RALGAPA2: variants seen among roughly 807,000 people sequenced by gnomAD.
RALGAPA2 encodes ral GTPase-activating protein subunit alpha-2.
Under a neutral mutation model 230.4 loss-of-function variants are expected in RALGAPA2, and 139 were observed. The observed-to-expected ratio is 0.60, with a 90% CI of 0.53 to 0.69. RALGAPA2 has a LOEUF of 0.69. RALGAPA2 is among the 30% of genes least tolerant of loss of function. The pLI, the probability that RALGAPA2 is intolerant of heterozygous loss-of-function variation, is 0.00. For missense variants in RALGAPA2, 2,163 were observed against 2,276.0 expected, an observed-to-expected ratio of 0.95 and a Z score of 1.01; for synonymous variants, 847 against 837.8, an observed-to-expected ratio of 1.01 and a Z score of -0.19.
intron 16 of RALGAPA2, among the ~76,000 whole-genome samples, chr20:20,594,489 A>C (rs1379867588): frequency 6.6e-6 from 1 of 152,092 alleles, no homozygotes; most frequent in African/African-American, 2.4e-5. Flanking sequence ...AAATGGAGAA[A>C]GAATTATATC....
chr20:20,403,702 C>G (rs111880099), intron 38 of RALGAPA2, among the ~76,000 whole-genome samples: 1 of 152,226 alleles, frequency 6.6e-6, no homozygotes, highest in Non-Finnish European at 1.5e-5. Flanking sequence ...TGCTTCTCTG[C>G]ACCCTAGGGA....
intron 10 of RALGAPA2, among the ~76,000 whole-genome samples, chr20:20,621,246 C>T (rs2066312193): frequency 6.6e-6 from 1 of 151,960 alleles, no homozygotes; most frequent in South Asian, 2.1e-4. Flanking sequence ...TTTTAATTGG[C>T]TACAAAACAC....
chr20:20,454,924 T>C (rs2061075023), intron 37 of RALGAPA2, among the ~76,000 whole-genome samples: 2 of 152,168 alleles, frequency 1.3e-5, no homozygotes, highest in African/African-American at 4.8e-5. Context: ...CCCAGGTCTG[T>C]AGTGACGCAG....
intron 31 of RALGAPA2, among the ~76,000 whole-genome samples, chr20:20,515,622 G>A (rs947772856): frequency 6.6e-6 from 1 of 152,196 alleles, no homozygotes; most frequent in African/African-American, 2.4e-5. Context: ...AGGGAGTGAT[G>A]AGAAACATAA....
chr20:20,678,088 T>C (rs544279576), intron 2 of RALGAPA2, among the ~76,000 whole-genome samples: 2 of 152,126 alleles, frequency 1.3e-5, no homozygotes, highest in African/African-American at 2.4e-5. Context: ...GTGTTACCAG[T>C]GTAGGCAATG....
chr20:20,676,322 A>G, intron 2 of RALGAPA2, 34 bp from the exon 3 acceptor site: 1 of 1,444,036 alleles, frequency 6.9e-7, no homozygotes, highest in Non-Finnish European at 9.6e-7. Flanking sequence ...TTATCATGAC[A>G]TCATTTAAAC....
chr20:20,567,634 C>G (rs578243255), intron 23 of RALGAPA2, among the ~76,000 whole-genome samples: 1 of 152,090 alleles, frequency 6.6e-6, no homozygotes, highest in Admixed American at 6.6e-5. Context: ...TTCTAACAGG[C>G]TTTTTAGCCT....
At chr20:20,421,035 GAAAACATC>G in intron 37 of RALGAPA2, among the ~76,000 whole-genome samples, 1 of 152,178 alleles carries the variant, frequency 6.6e-6, no homozygotes, top group African/African-American at 2.4e-5. Flanking sequence ...CAGAATAGGA[GAAAACATC>G]TGCAAACCAT....
At chr20:20,483,485 G>A (rs2061830433) in intron 36 of RALGAPA2, among the ~76,000 whole-genome samples, 1 of 152,130 alleles carries the variant, frequency 6.6e-6, no homozygotes, top group Non-Finnish European at 1.5e-5. Context: ...GTCGCCCTGA[G>A]AAGCTTGGCC....
intron 37 of RALGAPA2, among the ~76,000 whole-genome samples, chr20:20,442,599 T>G (rs1222389867): frequency 6.6e-6 from 1 of 152,276 alleles, no homozygotes; most frequent in Non-Finnish European, 1.5e-5. Context: ...TCATTTCTGA[T>G]AAACACTTTG....
chr20:20,419,903 A>G (rs1267206960), intron 37 of RALGAPA2, among the ~76,000 whole-genome samples: 1 of 152,218 alleles, frequency 6.6e-6, no homozygotes, highest in Non-Finnish European at 1.5e-5. Context: ...ATCAAGGAAC[A>G]AGATAGATGT....
At chr20:20,582,709 G>A (rs958767108) in intron 20 of RALGAPA2, among the ~76,000 whole-genome samples, 6 of 151,986 alleles carry the variant, frequency 3.9e-5, no homozygotes, top group South Asian at 2.1e-4. Flanking sequence ...ACTGTTCCCC[G>A]TAACTTACAT....
At chr20:20,476,543 CA>C (rs1285396542) in intron 36 of RALGAPA2, among the ~76,000 whole-genome samples, 1 of 151,568 alleles carries the variant, frequency 6.6e-6, no homozygotes, top group African/African-American at 2.4e-5. Context: ...ATATCACACA[CA>C]AAAATTGAGA....
chr20:20,614,087 G>C (rs749054043), intron 13 of RALGAPA2, among the ~76,000 whole-genome samples: 10 of 152,140 alleles, frequency 6.6e-5, no homozygotes, highest in Non-Finnish European at 1.5e-4. Context: ...AGGAGAGAGG[G>C]GAGAAGAAGG....
In RALGAPA2 at chr20:20,565,820, T is replaced by A. The variant is rs116675025; in HGVS notation, c.3156+5638A>T. 4.9e-3 allele frequency among the ~76,000 whole-genome samples: 750 copies of A among 152,300 alleles called. 7 individuals carry two copies. The highest frequency in any genetic ancestry group is 0.017 in the African/African-American group (715 of 41,562). On this transcript the variant is annotated intron_variant, in intron 23 of 39. Coordinates refer to ENST00000202677, the MANE Select transcript of RALGAPA2 (RefSeq NM_020343.4). ...CTGAAATATGAACCAGTGTTGATCA[T>A]GTATTGCCAGTGACCAGCACAGCAC... is the stretch of plus-strand genomic sequence containing the variant.
At chr20:20,709,957 G>A (rs138898159) in intron 1 of RALGAPA2, among the ~76,000 whole-genome samples, 8 of 152,276 alleles carry the variant, frequency 5.3e-5, no homozygotes, top group African/African-American at 1.9e-4. Flanking sequence ...GAAAGAAACT[G>A]TTAAAGGCCT....
intron 37 of RALGAPA2, among the ~76,000 whole-genome samples, chr20:20,438,934 C>G (rs1315296818): frequency 1.3e-5 from 2 of 152,166 alleles, no homozygotes; most frequent in Admixed American, 6.5e-5. Flanking sequence ...TTCTCCTGAG[C>G]AAACTTTGGG....
At chr20:20,397,361 C>T (rs2059738637) in intron 38 of RALGAPA2, among the ~76,000 whole-genome samples, 1 of 152,210 alleles carries the variant, frequency 6.6e-6, no homozygotes, top group Non-Finnish European at 1.5e-5. Flanking sequence ...CACTCTCACC[C>T]ACAGAGCAGC....
intron 9 of RALGAPA2, among the ~76,000 whole-genome samples, chr20:20,631,283 T>C (rs1407705283): frequency 6.6e-6 from 1 of 152,250 alleles, no homozygotes; most frequent in Non-Finnish European, 1.5e-5. Flanking sequence ...ATCTTGGACC[T>C]TGCAGACCAA....
Sources: gnomAD v4.1 joint callset for allele counts (sites outside exome capture counted in the v4.1 genomes callset) on GRCh38, gnomAD v4.1.1 for gene constraint, MANE v1.5 for transcripts, NCBI Gene and HGNC (gene_info 2026-07-23, HGNC 2026-07-21) for gene names.